The following HIBADH variants were observed in gnomAD, a reference collection of about 807,000 sequenced individuals.
HIBADH encodes 3-hydroxyisobutyrate dehydrogenase, mitochondrial.
Under a neutral mutation model 36.1 loss-of-function variants are expected in HIBADH, and 25 were observed. That is an observed-to-expected ratio of 0.69 (90% CI 0.50 to 0.97). The LOEUF is 0.97. HIBADH is among the 50% of genes least tolerant of loss of function. The pLI, the probability that HIBADH is intolerant of heterozygous loss-of-function variation, is 0.00. For synonymous variants in HIBADH, 160 were observed against 149.5 expected (o/e 1.07, Z -0.51); for missense variants, 421 against 418.0 (o/e 1.01, Z -0.06).
At chr7:27,541,193 C>A (rs1334476390) in intron 5 of HIBADH, among the ~76,000 whole-genome samples, 2 of 151,170 alleles carry the variant, frequency 1.3e-5, no homozygotes, top group Admixed American at 6.6e-5. Context: ...CTCATTCAGG[C>A]AGATATACTT....
rs1396633826 is a variant in HIBADH at position 27,594,526 on chromosome 7, T to G, written c.484+34845A>C. On this transcript the variant is annotated intron_variant, in intron 4 of 7. Coordinates refer to ENST00000265395, the MANE Select transcript of HIBADH (RefSeq NM_152740.4). ...TTATTCTTAAATAGAAAGATTTAGT[T>G]GTGTAAATATATCAATTTTCCATAA... 3.3e-5 allele frequency among the ~76,000 whole-genome samples: 5 copies of G among 152,230 alleles called. No individual in the cohort carries two copies. In the East Asian group the frequency reaches 9.6e-4, roughly 29 times the overall value.
At chr7:27,606,061 A>T (rs1785221160) in intron 4 of HIBADH, among the ~76,000 whole-genome samples, 1 of 151,116 alleles carries the variant, frequency 6.6e-6, no homozygotes, top group South Asian at 2.1e-4. Context: ...ATTAAACTGT[A>T]CATATGCACA....
intron 4 of HIBADH, among the ~76,000 whole-genome samples, chr7:27,586,383 A>C (rs867716838): frequency 2.0e-4 from 30 of 151,208 alleles, no homozygotes; most frequent in African/African-American, 6.6e-4. Flanking sequence ...GGAAGGAAGG[A>C]AAGAAGGAAG....
intron 4 of HIBADH, among the ~76,000 whole-genome samples, chr7:27,561,974 T>C (rs1250306598): frequency 6.6e-6 from 1 of 152,166 alleles, no homozygotes; most frequent in East Asian, 1.9e-4. Flanking sequence ...AAGAAAAAGA[T>C]ACTTATATTT....
At chr7:27,635,059 T>A (rs555713947) in intron 2 of HIBADH, among the ~76,000 whole-genome samples, 29 of 141,774 alleles carry the variant, frequency 2.0e-4, no homozygotes, top group South Asian at 9.4e-4. Flanking sequence ...TAACACACAC[T>A]CTCTCTCTTT....
chr7:27,553,412 C>T (rs1023051708), intron 4 of HIBADH, among the ~76,000 whole-genome samples: 3 of 152,216 alleles, frequency 2.0e-5, no homozygotes, highest in Non-Finnish European at 4.4e-5. Flanking sequence ...TAATGACCAT[C>T]AAGCTGCAGT....
chr7:27,583,911 C>T (rs549756397), intron 4 of HIBADH, among the ~76,000 whole-genome samples: 300 of 152,028 alleles, frequency 2.0e-3, no homozygotes, highest in African/African-American at 7.0e-3. Flanking sequence ...GGAAAAATAA[C>T]AAGCAACAAA....
chr7:27,560,544 T>C (rs930172300), intron 4 of HIBADH, among the ~76,000 whole-genome samples: 2 of 152,244 alleles, frequency 1.3e-5, no homozygotes, highest in African/African-American at 2.4e-5. Context: ...ACCTGAGTAG[T>C]GTATATTGTA....
At chr7:27,541,148 T>C (rs12670578) in intron 5 of HIBADH, among the ~76,000 whole-genome samples, 62,260 of 146,130 alleles carry the variant, frequency 0.43, 13,816 homozygotes, top group East Asian at 0.94. Flanking sequence ...TTTTTTTTTT[T>C]CTCCGTAATA....
intron 4 of HIBADH, among the ~76,000 whole-genome samples, chr7:27,586,256 G>A (rs921033145): frequency 2.0e-5 from 3 of 152,136 alleles, no homozygotes; most frequent in Non-Finnish European, 4.4e-5. Flanking sequence ...TGAGCTCTCA[G>A]GAAGTTTGGC....
chr7:27,565,380 T>C (rs1784531235), intron 4 of HIBADH, among the ~76,000 whole-genome samples: 1 of 152,202 alleles, frequency 6.6e-6, no homozygotes, highest in Non-Finnish European at 1.5e-5. Context: ...GAACTGTAAG[T>C]AATAAACTAT....
chr7:27,550,974 T>C (rs931225116), intron 4 of HIBADH, among the ~76,000 whole-genome samples: 1 of 151,834 alleles, frequency 6.6e-6, no homozygotes, highest in African/African-American at 2.4e-5. Flanking sequence ...GATTTTTAAG[T>C]AACTTCACCA....
At chr7:27,538,509 C>A (rs1784099945) in intron 5 of HIBADH, 92 bp from the exon 6 acceptor site, 4 of 1,008,202 alleles carry the variant, frequency 4.0e-6, no homozygotes, top group Admixed American at 1.9e-5. Flanking sequence ...GGGCTGCTTT[C>A]TAAAAGAAAT....
intron 1 of HIBADH, among the ~76,000 whole-genome samples, chr7:27,660,907 A>G (rs965972701): frequency 2.6e-5 from 4 of 152,202 alleles, no homozygotes; most frequent in East Asian, 1.9e-4. Flanking sequence ...ATGAATTGGT[A>G]AGAACTTTCA....
chr7:27,641,253 T>C (rs1050446299), intron 2 of HIBADH, among the ~76,000 whole-genome samples: 1 of 152,178 alleles, frequency 6.6e-6, no homozygotes, highest in Admixed American at 6.5e-5. Flanking sequence ...CTGATTTTCT[T>C]CCCTGCAAAT....
intron 1 of HIBADH, among the ~76,000 whole-genome samples, chr7:27,653,918 TG>T (rs1786247352): frequency 6.6e-6 from 1 of 152,158 alleles, no homozygotes; most frequent in Non-Finnish European, 1.5e-5. Context: ...CAAGGGAACG[TG>T]TATACTCAAA....
intron 2 of HIBADH, among the ~76,000 whole-genome samples, chr7:27,639,624 C>A (rs1280254214): frequency 1.3e-5 from 2 of 152,086 alleles, no homozygotes; most frequent in African/African-American, 4.8e-5. Flanking sequence ...TTCCTGTGGG[C>A]CTTGGAGGCT....
intron 4 of HIBADH, among the ~76,000 whole-genome samples, chr7:27,601,139 G>C (rs1038970500): frequency 6.6e-6 from 1 of 151,970 alleles, no homozygotes; most frequent in Non-Finnish European, 1.5e-5. Flanking sequence ...AGTATGGGCC[G>C]GTTGATTGGA....
intron 4 of HIBADH, among the ~76,000 whole-genome samples, chr7:27,545,381 T>A (rs919619247): frequency 2.6e-5 from 4 of 152,178 alleles, no homozygotes; most frequent in Admixed American, 2.6e-4. Flanking sequence ...GAGGCTGCAG[T>A]GAGCTGAGAT....
Sources: allele counts gnomAD v4.1 joint callset (sites outside exome capture counted in the v4.1 genomes callset), GRCh38; gene constraint gnomAD v4.1.1; transcripts MANE v1.5; gene names NCBI Gene and HGNC (gene_info 2026-07-23, HGNC 2026-07-21).